The following DAB1 variants were observed in gnomAD, a reference collection of about 807,000 sequenced individuals.
The protein encoded by DAB1 is disabled homolog 1.
DAB1 carries 15 observed loss-of-function variants against 64.6 expected under a neutral mutation model. The observed-to-expected ratio is 0.23, with a 90% confidence interval of 0.16 to 0.36. The LOEUF is 0.36. Ranked by LOEUF, DAB1 falls within the 10% of genes least tolerant of loss-of-function variation. DAB1 has a pLI of 1.00. For synonymous variants in DAB1, 235 were observed against 251.9 expected (o/e 0.93, Z 0.64); for missense variants, 596 against 706.7 (o/e 0.84, Z 1.78).
chr1:58,518,049 G>A (rs1261763787), intron 2 of DAB1, among the ~76,000 whole-genome samples: 1 of 151,070 alleles, frequency 6.6e-6, no homozygotes, highest in Admixed American at 6.6e-5. Context: ...AGCTAGGCAT[G>A]GTGGCACATG....
chr1:58,285,104 A>G (rs975851373), intron 4 of DAB1, among the ~76,000 whole-genome samples: 2 of 152,202 alleles, frequency 1.3e-5, no homozygotes, highest in Non-Finnish European at 2.9e-5. Flanking sequence ...AAAATTCAAC[A>G]TCCTTCATGT....
chr1:57,359,039 G>A (rs374883185), intron 1 of DAB1, among the ~76,000 whole-genome samples: 2 of 152,048 alleles, frequency 1.3e-5, no homozygotes, highest in Non-Finnish European at 2.9e-5. Flanking sequence ...CACTGGATTC[G>A]GCAAGGACTT....
At chr1:58,414,504 C>A (rs959889916) in intron 3 of DAB1, among the ~76,000 whole-genome samples, 5 of 152,186 alleles carry the variant, frequency 3.3e-5, no homozygotes. Context: ...TCTCCATTCC[C>A]AATGCCTAGA....
At chr1:57,767,110 A>G (rs778325176) in intron 6 of DAB1, among the ~76,000 whole-genome samples, 24 of 152,050 alleles carry the variant, frequency 1.6e-4, no homozygotes, top group African/African-American at 3.1e-4. Context: ...TGGAGAATTC[A>G]TTAGTTAGGC....
At chr1:58,106,497 T>C (rs1651649077) in intron 5 of DAB1, among the ~76,000 whole-genome samples, 1 of 152,214 alleles carries the variant, frequency 6.6e-6, no homozygotes, top group South Asian at 2.1e-4. Context: ...GGTTTCCTAT[T>C]TAATCCCAAT....
chr1:57,881,096 C>T (rs1485647723), intron 1 of DAB1, among the ~76,000 whole-genome samples: 2 of 152,134 alleles, frequency 1.3e-5, no homozygotes. Flanking sequence ...GTAATGCTGA[C>T]TTTACTTCAC....
At chr1:57,356,120 C>A (rs749661891) in intron 1 of DAB1, among the ~76,000 whole-genome samples, 7 of 152,090 alleles carry the variant, frequency 4.6e-5, no homozygotes, top group Non-Finnish European at 1.0e-4. Context: ...ATATTCCTTG[C>A]ACCTAGAGCA....
intron 1 of DAB1, among the ~76,000 whole-genome samples, chr1:57,382,800 G>A (rs1681487492): frequency 6.6e-6 from 1 of 152,088 alleles, no homozygotes; most frequent in African/African-American, 2.4e-5. Context: ...TTATATTAAT[G>A]GTATCTGCCG....
chr1:58,013,262 T>C (rs1247232457), intron 5 of DAB1, among the ~76,000 whole-genome samples: 2 of 152,186 alleles, frequency 1.3e-5, no homozygotes, highest in Admixed American at 6.5e-5. Flanking sequence ...TGCCCTGCCA[T>C]GAGAAGCAAA....
chr1:57,424,164 G>T (rs1356557125), upstream of DAB1: 3 of 145,966 alleles, frequency 2.1e-5, no homozygotes, highest in African/African-American at 7.4e-5. Flanking sequence ...CGCCCCCCGC[G>T]CCCGCCCGGC....
intron 5 of DAB1, among the ~76,000 whole-genome samples, chr1:57,903,284 AAC>A (rs1223204284): frequency 6.6e-6 from 1 of 152,156 alleles, no homozygotes; most frequent in East Asian, 1.9e-4. Context: ...CCATGGTTTC[AAC>A]ACAGTTTTCT....
At position 57,019,120 on chromosome 1, in the gene DAB1, A is replaced by G. The variant is rs572724287; in HGVS notation, c.896-3689T>C. Among the ~76,000 whole-genome samples the G allele has an allele frequency of 2.6e-4, 40 of 152,194 alleles. 1 individual carries two copies. In the Middle Eastern group the frequency reaches 0.017, roughly 65 times the overall value. ...TGCCTTGCAATTGCCTGGTTGTTCT[A>G]TCTTCCCTGATGAGACTAGAAACCA... On this transcript the variant is annotated intron_variant, in intron 11 of 14. Transcript: ENST00000371236.
intron 5 of DAB1, among the ~76,000 whole-genome samples, chr1:58,014,961 G>C (rs1361259556): frequency 6.6e-6 from 1 of 152,156 alleles, no homozygotes; most frequent in Non-Finnish European, 1.5e-5. Flanking sequence ...GTTTCCAAAG[G>C]CTGTGCTAAG....
At chr1:58,332,162 T>G (rs978751508) in intron 4 of DAB1, among the ~76,000 whole-genome samples, 1 of 152,200 alleles carries the variant, frequency 6.6e-6, no homozygotes, top group African/African-American at 2.4e-5. Flanking sequence ...GTATTTTTTT[T>G]GGTCTACATC....
chr1:57,370,417 C>G lies in DAB1; in HGVS notation c.-137+53513G>C, dbSNP rs185139381. 3.3e-5 allele frequency among the ~76,000 whole-genome samples: 5 copies of G among 152,272 alleles called. No homozygotes were observed. In the East Asian group the frequency reaches 9.7e-4, roughly 29 times the overall value. ...ACAGCACAGTTCTAATTCTCCAGAC[C>G]ACTGTTTACTCATAAAGTGAAATAA... On this transcript the variant is annotated intron_variant, in intron 1 of 14. Transcript: ENST00000371236.
At chr1:57,901,299 G>A (rs1302926567) in intron 5 of DAB1, among the ~76,000 whole-genome samples, 7 of 152,024 alleles carry the variant, frequency 4.6e-5, no homozygotes, top group South Asian at 2.1e-4. Context: ...ATTAATAACC[G>A]CAGAAAGCAT....
chr1:57,447,386 T>C (rs549248794), intron 7 of DAB1, among the ~76,000 whole-genome samples: 2 of 152,336 alleles, frequency 1.3e-5, no homozygotes, highest in South Asian at 4.1e-4. Context: ...AAAGAACTTC[T>C]AAAGAGAGAG....
intron 14 of DAB1, among the ~76,000 whole-genome samples, chr1:57,009,145 G>A (rs1340919441): frequency 6.6e-6 from 1 of 152,208 alleles, no homozygotes; most frequent in Non-Finnish European, 1.5e-5. Flanking sequence ...CCTGATGAAT[G>A]GCTCTTGTCA....
chr1:57,365,698 A>G (rs1679941450), intron 1 of DAB1, among the ~76,000 whole-genome samples: 2 of 152,110 alleles, frequency 1.3e-5, no homozygotes, highest in Admixed American at 1.3e-4. Context: ...TATCCACTCT[A>G]CCAGGCTTTT....
Sources: allele counts gnomAD v4.1 joint callset (sites outside exome capture counted in the v4.1 genomes callset), GRCh38; gene constraint gnomAD v4.1.1; transcripts MANE v1.5; gene names NCBI Gene and HGNC (gene_info 2026-07-23, HGNC 2026-07-21).